Variants in TG observed in about 807,000 individuals in gnomAD.
TG encodes the protein thyroid hormones.
In TG, 270 loss-of-function variants were observed where a neutral mutation model predicts 324.7. That is an observed-to-expected ratio of 0.83 (90% CI 0.75 to 0.92). The LOEUF is 0.92. TG is among the 40% of genes least tolerant of loss of function. The pLI is 0.00. For synonymous variants in TG, 1,401 were observed against 1,327.0 expected (o/e 1.06, Z -1.21); for missense variants, 3,591 against 3,456.4 (o/e 1.04, Z -0.98).
At chr8:133,038,771 GA>G (rs752784424) in intron 41 of TG, 11 of 1,454,748 alleles carry the variant, frequency 7.6e-6, no homozygotes, top group African/African-American at 1.4e-5. Context: ...TAGAGAAAGG[GA>G]AAAAAAGAGA....
intron 7 of TG, 88 bp downstream of exon 7, chr8:132,882,700 C>T: frequency 1.2e-6 from 2 of 1,611,710 alleles, no homozygotes; most frequent in Non-Finnish European, 8.5e-7. Context: ...TGTGGCTGCT[C>T]CACCAAAGTG....
At chr8:132,910,666 C>T (rs964481992) in intron 18 of TG, among the ~76,000 whole-genome samples, 2 of 152,258 alleles carry the variant, frequency 1.3e-5, no homozygotes, top group African/African-American at 4.8e-5. Context: ...GAACCTTCAC[C>T]ACACATGGCT....
rs1352019995 is a variant in TG, at chr8:133,113,508, T to C, written c.7659T>C (p.Asp2553=). Residue 2553 remains aspartate, a synonymous_variant, in exon 44 of 48, where the codon GAT becomes GAC. Transcript: ENST00000220616. ...LQNSLGGEDS[D]ARVEAAATWY... ...ATTCTCTGGGTGGCGAGGACTCAGA[T>C]GCCCGCGTCGAGGCTGCTGCTACAT... is the stretch of plus-strand genomic sequence containing the variant. 1 of 1,614,010 alleles carries C rather than the reference T, an allele frequency of 6.2e-7. No homozygotes were observed. Among genetic ancestry groups the C allele is most frequent in the Non-Finnish European group, 8.5e-7 (1 of 1,180,024 alleles).
chr8:132,868,069 A>G (rs1194250078), intron 1 of TG, 46 bp from the exon 2 acceptor site: 1 of 1,552,172 alleles, frequency 6.4e-7, no homozygotes, highest in South Asian at 1.1e-5. Context: ...CTGTCCTGGC[A>G]GCCCAGTCCA....
At chr8:133,132,088 T>C in intron 46 of TG, 142 bp downstream of exon 46, 1 of 1,313,608 alleles carries the variant, frequency 7.6e-7, no homozygotes, top group Non-Finnish European at 1.1e-6. Flanking sequence ...CTGGCCTCCC[T>C]GTCTCAGTCA....
chr8:133,060,352 A>G (rs1842196344), intron 41 of TG: 7 of 1,544,948 alleles, frequency 4.5e-6, no homozygotes, highest in Non-Finnish European at 6.1e-6. Flanking sequence ...ATTGGTGAAG[A>G]TTGGTTACTT....
intron 42 of TG, 38 bp downstream of exon 42, chr8:133,095,246 T>A (rs1338826790): frequency 4.3e-6 from 7 of 1,614,056 alleles, no homozygotes; most frequent in Non-Finnish European, 5.9e-6. Flanking sequence ...GGACATTCTC[T>A]GGTCTTTTAC....
At chr8:133,027,219 C>T (rs1836178270) in intron 40 of TG, among the ~76,000 whole-genome samples, 1 of 152,208 alleles carries the variant, frequency 6.6e-6, no homozygotes, top group Non-Finnish European at 1.5e-5. Flanking sequence ...GCCAATTCAA[C>T]AATGAGGGAG....
At chr8:133,003,236 A>C (rs1189915024) in intron 35 of TG, 1 of 161,312 alleles carries the variant, frequency 6.2e-6, no homozygotes, top group African/African-American at 2.4e-5. Flanking sequence ...GGAAGGAGGG[A>C]GGGAGAGAGT....
At chr8:132,888,595 A>ATATG in intron 10 of TG, 27 bp downstream of exon 10, 1 of 1,337,950 alleles carries the variant, frequency 7.5e-7, no homozygotes. Flanking sequence ...GAAGAGTTAA[A>ATATG]TGTGTGTGTG....
intron 45 of TG, among the ~76,000 whole-genome samples, chr8:133,125,392 G>A (rs1564216155): frequency 6.6e-6 from 1 of 152,236 alleles, no homozygotes; most frequent in Non-Finnish European, 1.5e-5. Context: ...ATAAGAAGAT[G>A]TGTGATCCTC....
chr8:133,013,600 A>T lies in TG; in HGVS notation c.6398A>T (p.Glu2133Val), dbSNP rs1834732355. 1.2e-6 allele frequency: 2 copies of T among 1,614,196 alleles called. No homozygotes were observed. The change falls in exon 37 of 48, where the codon GAA (glutamate) becomes GTA (valine). Residue 2133 changes from glutamate to valine, a missense_variant and splice_region_variant. Transcript: ENST00000220616. The part of the protein sequence containing the change: ...FSAVRDLCLS[E>V]CSQHEACLIT... The stretch of plus-strand genomic sequence containing the variant: ...TCACTCTTCTCCCTCTTTTCTGCAG[A>T]ATGTTCCCAACATGAGGCCTGTCTC...
chr8:133,007,222 T>A (rs1180295483), intron 35 of TG, among the ~76,000 whole-genome samples: 1 of 151,866 alleles, frequency 6.6e-6, no homozygotes, highest in Non-Finnish European at 1.5e-5. Context: ...GGGACTGGAG[T>A]GGCGCTGGAA....
chr8:133,054,410 A>C (rs1840972899), intron 41 of TG, among the ~76,000 whole-genome samples: 1 of 152,212 alleles, frequency 6.6e-6, no homozygotes, highest in Admixed American at 6.5e-5. Context: ...GCCACTACAC[A>C]GTGATGCGAT....
At chr8:133,067,862 G>GA (rs1401788022) in intron 41 of TG, among the ~76,000 whole-genome samples, 3 of 72,106 alleles carry the variant, frequency 4.2e-5, no homozygotes, top group African/African-American at 7.0e-5. Context: ...GAGAAAGAAA[G>GA]AAAGAAAGGA....
intron 34 of TG, among the ~76,000 whole-genome samples, chr8:132,981,118 C>T (rs72727467): frequency 0.058 from 8,781 of 152,230 alleles, 296 homozygotes; most frequent in Middle Eastern, 0.12. Flanking sequence ...GAAGGTCCCA[C>T]GCAAAGACTT....
In TG at chr8:132,901,465, C is replaced by T. The variant is rs1267093185; in HGVS notation, c.3546C>T (p.Asp1182=). ...GGGGCTTTTCCCCAGTGCAATGTGA[C>T]CAGGCCCAGGGCAGCTGCTGGTGTG... ...EDGGFSPVQC[D]QAQGSCWCVM... Residue 1182 remains aspartate, a synonymous_variant, in exon 16 of 48, where the codon GAC becomes GAT. Coordinates refer to ENST00000220616, the MANE Select transcript of TG (RefSeq NM_003235.5). 4 of 1,614,202 alleles carry T rather than the reference C, an allele frequency of 2.5e-6. No individual in the cohort carries two copies. In the Admixed American group the frequency reaches 5.0e-5, roughly 20 times the overall value.
chr8:132,898,951 C>T (rs552153729), intron 14 of TG, 41 bp downstream of exon 14: 51 of 1,535,796 alleles, frequency 3.3e-5, no homozygotes, highest in Non-Finnish European at 4.5e-5. Context: ...GGGACTTGTC[C>T]CCGCTGGTCA....
chr8:132,917,889 A>T (rs1224665022), intron 20 of TG, among the ~76,000 whole-genome samples: 5 of 138,808 alleles, frequency 3.6e-5, no homozygotes, highest in African/African-American at 5.1e-5. Flanking sequence ...GGTTTTTGCA[A>T]TTTTTTTTTT....
Sources: gnomAD v4.1 joint callset for allele counts (sites outside exome capture counted in the v4.1 genomes callset) on GRCh38, gnomAD v4.1.1 for gene constraint, MANE v1.5 for transcripts, NCBI Gene and HGNC (gene_info 2026-07-23, HGNC 2026-07-21) for gene names.